LUZP2: variants seen among roughly 807,000 people sequenced by gnomAD.
LUZP2 encodes the protein leucine zipper protein 2.
A neutral mutation model predicts 51.6 loss-of-function variants in LUZP2; 52 were observed. That is an observed-to-expected ratio of 1.01 (90% CI 0.81 to 1.27). The LOEUF is 1.27. Among genes scored for constraint, LUZP2 ranks in the 50% most tolerant of loss-of-function variants. The probability of loss-of-function intolerance (pLI) is 0.00; values close to 1 mark genes in which losing one functional copy is unlikely to be tolerated. For synonymous variants in LUZP2, 154 were observed against 137.3 expected, an observed-to-expected ratio of 1.12 and a Z score of -0.85; for missense variants, 436 against 395.4, an observed-to-expected ratio of 1.10 and a Z score of -0.87.
intron 9 of LUZP2, among the ~76,000 whole-genome samples, chr11:25,013,753 TC>T (rs139734443): frequency 0.03 from 4,503 of 152,162 alleles, 203 homozygotes; most frequent in African/African-American, 0.099. Flanking sequence ...TATTTATTAT[TC>T]TTTTTTTATT....
chr11:24,601,298 C>A (rs886804108), intron 1 of LUZP2, among the ~76,000 whole-genome samples: 3 of 151,912 alleles, frequency 2.0e-5, no homozygotes, highest in African/African-American at 7.2e-5. Flanking sequence ...TTTTGAGGCC[C>A]TATACAGAAA....
intron 4 of LUZP2, among the ~76,000 whole-genome samples, chr11:24,744,900 G>T (rs1168601772): frequency 6.6e-6 from 1 of 151,952 alleles, no homozygotes; most frequent in African/African-American, 2.4e-5. Context: ...GGTTTTGATA[G>T]GTTGTGTCAT....
At chr11:24,649,466 A>G (rs966718472) in intron 1 of LUZP2, among the ~76,000 whole-genome samples, 19 of 152,128 alleles carry the variant, frequency 1.2e-4, no homozygotes, top group Admixed American at 1.2e-3. Flanking sequence ...TGTAATTTAA[A>G]TTGGTCAGAT....
rs373603218 is a variant in LUZP2 at position 24,534,262 on chromosome 11, T to C, written c.62+36957T>C. ...AAAACAAAATATGTATACATATACA[T>C]GCATATAAAGAGATATATGCATATA... is the stretch of plus-strand genomic sequence containing the variant. On this transcript the variant is annotated intron_variant, in intron 1 of 11. Transcript: ENST00000336930. Among the ~76,000 whole-genome samples the C allele has an allele frequency of 7.8e-4, 118 of 151,326 alleles. 4 individuals are homozygous for C. In the South Asian group the frequency reaches 0.023, roughly 29 times the overall value.
At chr11:24,718,286 C>G (rs1237522861) in intron 1 of LUZP2, among the ~76,000 whole-genome samples, 1 of 152,138 alleles carries the variant, frequency 6.6e-6, no homozygotes, top group African/African-American at 2.4e-5. Context: ...CTTGTTGAAA[C>G]CCAAGGTGAG....
At chr11:24,841,635 A>G (rs1851036733) in intron 5 of LUZP2, among the ~76,000 whole-genome samples, 1 of 152,014 alleles carries the variant, frequency 6.6e-6, no homozygotes, top group South Asian at 2.1e-4. Flanking sequence ...TCAAGAAAGA[A>G]AATCAATTCC....
At chr11:24,650,762 T>C (rs1855601765) in intron 1 of LUZP2, among the ~76,000 whole-genome samples, 1 of 152,108 alleles carries the variant, frequency 6.6e-6, no homozygotes, top group Non-Finnish European at 1.5e-5. Context: ...TGACTCATAT[T>C]TCTGTTCTTG....
chr11:24,513,444 G>C (rs755856154), intron 1 of LUZP2, among the ~76,000 whole-genome samples: 1 of 151,958 alleles, frequency 6.6e-6, no homozygotes, highest in Non-Finnish European at 1.5e-5. Context: ...CTTTATCCTG[G>C]GATAATGACT....
chr11:24,899,450 C>G (rs534801648), intron 5 of LUZP2, among the ~76,000 whole-genome samples: 27 of 151,636 alleles, frequency 1.8e-4, no homozygotes, highest in African/African-American at 6.5e-4. Flanking sequence ...TAAACAAAAC[C>G]TGATTATATA....
intron 7 of LUZP2, among the ~76,000 whole-genome samples, chr11:24,938,483 A>G (rs184789269): frequency 2.6e-5 from 4 of 152,290 alleles, no homozygotes; most frequent in African/African-American, 4.8e-5. Flanking sequence ...ACTTTGTTCT[A>G]TCTTGGGCAA....
chr11:24,497,218 G>C lies in LUZP2; in HGVS notation c.-26G>C. 1 of 1,516,104 alleles carries C rather than the reference G, an allele frequency of 6.6e-7. No individual in the cohort carries two copies. The allele number at this position is 1,516,104 out of a possible 1,614,324, so 93.9% of individuals were successfully genotyped here. On this transcript the variant is annotated 5_prime_UTR_variant, in exon 1 of 12. Coordinates refer to ENST00000336930, the MANE Select transcript of LUZP2 (RefSeq NM_001009909.4). ...AAGAGAGAGAGAGAAGGCAGCGAGG[G>C]AAGGAGGACCCCGGCAGGCAGCAGC... is the stretch of plus-strand genomic sequence containing the variant.
intron 5 of LUZP2, among the ~76,000 whole-genome samples, chr11:24,824,991 T>G (rs1020712796): frequency 5.9e-5 from 9 of 152,144 alleles, no homozygotes; most frequent in African/African-American, 2.2e-4. Context: ...GAAACAATGT[T>G]AGATCTGATG....
chr11:24,598,182 T>G (rs1180961701), intron 1 of LUZP2, among the ~76,000 whole-genome samples: 1 of 151,772 alleles, frequency 6.6e-6, no homozygotes, highest in Non-Finnish European at 1.5e-5. Context: ...GATTGTGCCC[T>G]GTAGATGACA....
intron 4 of LUZP2, among the ~76,000 whole-genome samples, chr11:24,748,388 A>G (rs576750287): frequency 6.6e-6 from 1 of 151,664 alleles, no homozygotes; most frequent in African/African-American, 2.4e-5. Flanking sequence ...GGGTACTCAC[A>G]GTATTTGGGG....
At chr11:24,788,684 C>T (rs1849318863) in intron 5 of LUZP2, among the ~76,000 whole-genome samples, 1 of 152,018 alleles carries the variant, frequency 6.6e-6, no homozygotes, top group Admixed American at 6.6e-5. Flanking sequence ...TCAATAATTG[C>T]TTCCTTGATT....
intron 5 of LUZP2, among the ~76,000 whole-genome samples, chr11:24,806,975 A>G: frequency 6.7e-6 from 1 of 148,512 alleles, no homozygotes; most frequent in South Asian, 2.1e-4. Context: ...TTTATTAATC[A>G]CATCAGTGGG....
chr11:24,788,285 G>A (rs1849306291), intron 5 of LUZP2, among the ~76,000 whole-genome samples: 1 of 140,832 alleles, frequency 7.1e-6, no homozygotes, highest in African/African-American at 2.6e-5. Flanking sequence ...TGCCTCCCAG[G>A]TTCAAGTGAC....
intron 10 of LUZP2, among the ~76,000 whole-genome samples, chr11:25,057,815 C>T (rs1858731870): frequency 6.6e-6 from 1 of 151,832 alleles, no homozygotes; most frequent in Non-Finnish European, 1.5e-5. Flanking sequence ...GGAGTCTATT[C>T]AACATAAAAA....
intron 7 of LUZP2, among the ~76,000 whole-genome samples, chr11:24,974,871 T>A (rs1855842147): frequency 6.6e-6 from 1 of 151,934 alleles, no homozygotes. Context: ...AAGGAGAAAA[T>A]AATGTTGTGC....
Sources: gnomAD v4.1 joint callset for allele counts (sites outside exome capture counted in the v4.1 genomes callset) on GRCh38, gnomAD v4.1.1 for gene constraint, MANE v1.5 for transcripts, NCBI Gene and HGNC (gene_info 2026-07-23, HGNC 2026-07-21) for gene names.